The following CACNG3 variants were observed in gnomAD, a reference collection of about 807,000 sequenced individuals.
The protein encoded by CACNG3 is voltage-dependent calcium channel gamma-3 subunit.
Under a neutral mutation model 28.5 loss-of-function variants are expected in CACNG3, and 3 were observed. The observed-to-expected ratio is 0.11, with a 90% confidence interval of 0.05 to 0.27. The LOEUF (loss-of-function observed/expected upper bound fraction) is 0.27, where lower values mean the gene tolerates loss of function less well. Among genes scored for constraint, CACNG3 ranks in the 10% least tolerant of loss-of-function variants. The probability of loss-of-function intolerance (pLI) is 1.00; values close to 1 mark genes in which losing one functional copy is unlikely to be tolerated. For synonymous variants in CACNG3, 174 were observed against 162.2 expected, an observed-to-expected ratio of 1.07 and a Z score of -0.55; for missense variants, 236 against 414.4, an observed-to-expected ratio of 0.57 and a Z score of 3.74.
At chr16:24,335,497 C>A (rs1265245025) in intron 1 of CACNG3, among the ~76,000 whole-genome samples, 1 of 152,182 alleles carries the variant, frequency 6.6e-6, no homozygotes, top group Non-Finnish European at 1.5e-5. Flanking sequence ...ACATACTTCC[C>A]ATGTGCTAAG....
At chr16:24,286,023 T>A (rs1898889385) in intron 1 of CACNG3, among the ~76,000 whole-genome samples, 1 of 152,126 alleles carries the variant, frequency 6.6e-6, no homozygotes, top group African/African-American at 2.4e-5. Context: ...TTTGTAGTTT[T>A]GGTAGCGATG....
chr16:24,281,607 T>G (rs1224863524), intron 1 of CACNG3, among the ~76,000 whole-genome samples: 1 of 152,192 alleles, frequency 6.6e-6, no homozygotes, highest in African/African-American at 2.4e-5. Context: ...CATATGTCCA[T>G]TATTGAACCA....
chr16:24,321,248 T>C (rs1216489683), intron 1 of CACNG3, among the ~76,000 whole-genome samples: 1 of 151,968 alleles, frequency 6.6e-6, no homozygotes, highest in Admixed American at 6.6e-5. Flanking sequence ...GGCGGGAGGA[T>C]CACTTGAGGC....
intron 1 of CACNG3, among the ~76,000 whole-genome samples, chr16:24,326,087 G>T (rs1248269949): frequency 6.6e-6 from 1 of 152,162 alleles, no homozygotes; most frequent in African/African-American, 2.4e-5. Flanking sequence ...ACGTGGGGGG[G>T]TTGGGGGCTT....
intron 3 of CACNG3, among the ~76,000 whole-genome samples, chr16:24,357,878 AC>A (rs1377131857): frequency 2.0e-5 from 3 of 152,182 alleles, no homozygotes; most frequent in Non-Finnish European, 4.4e-5. Context: ...AGAGTGTGTC[AC>A]CAGCAACTTT....
chr16:24,261,200 A>G (rs1189910329), intron 1 of CACNG3, among the ~76,000 whole-genome samples: 1 of 152,186 alleles, frequency 6.6e-6, no homozygotes, highest in East Asian at 1.9e-4. Flanking sequence ...AGCATTTCCC[A>G]ATCCTCTTAG....
At chr16:24,270,111 G>A (rs1264787371) in intron 1 of CACNG3, among the ~76,000 whole-genome samples, 1 of 152,144 alleles carries the variant, frequency 6.6e-6, no homozygotes, top group Non-Finnish European at 1.5e-5. Context: ...TGTACCATAT[G>A]CTGTTTGACA....
At chr16:24,327,771 A>G (rs982379422) in intron 1 of CACNG3, among the ~76,000 whole-genome samples, 2 of 151,994 alleles carry the variant, frequency 1.3e-5, no homozygotes, top group African/African-American at 4.8e-5. Context: ...GTGAGACCAC[A>G]TCTCTACAAA....
chr16:24,262,475 T>C (rs1240161985), intron 1 of CACNG3, among the ~76,000 whole-genome samples: 2 of 152,218 alleles, frequency 1.3e-5, no homozygotes, highest in Non-Finnish European at 2.9e-5. Context: ...TACTTTCCTA[T>C]GTCTTGATAA....
At chr16:24,269,593 A>G (rs955077350) in intron 1 of CACNG3, among the ~76,000 whole-genome samples, 2 of 151,986 alleles carry the variant, frequency 1.3e-5, no homozygotes, top group African/African-American at 4.8e-5. Flanking sequence ...CTAAAAATAG[A>G]AAAATTAGCC....
At chr16:24,302,553 C>G (rs186675536) in intron 1 of CACNG3, among the ~76,000 whole-genome samples, 11 of 152,242 alleles carry the variant, frequency 7.2e-5, no homozygotes, top group Admixed American at 1.3e-4. Flanking sequence ...CTCCTGGGCT[C>G]AAGCCATCTT....
chr16:24,266,051 A>G (rs981230651), intron 1 of CACNG3, among the ~76,000 whole-genome samples: 1 of 152,166 alleles, frequency 6.6e-6, no homozygotes, highest in African/African-American at 2.4e-5. Context: ...GTAATCAGAT[A>G]TTCTTTCTTT....
intron 1 of CACNG3, among the ~76,000 whole-genome samples, chr16:24,261,130 A>G (rs935330274): frequency 1.3e-5 from 2 of 152,216 alleles, no homozygotes; most frequent in African/African-American, 4.8e-5. Flanking sequence ...TTTAGATAAG[A>G]TTAGAGTAAC....
chr16:24,272,393 C>A (rs918608577), intron 1 of CACNG3, among the ~76,000 whole-genome samples: 1 of 151,784 alleles, frequency 6.6e-6, no homozygotes, highest in Non-Finnish European at 1.5e-5. Context: ...TTTCCTCTAC[C>A]AAATCAAAGA....
intron 1 of CACNG3, among the ~76,000 whole-genome samples, chr16:24,259,594 C>T (rs183910933): frequency 4.6e-5 from 7 of 152,210 alleles, no homozygotes; most frequent in African/African-American, 1.7e-4. Flanking sequence ...AGCCATGAGA[C>T]AATGTGATTA....
At chr16:24,290,568 A>G (rs1243468029) in intron 1 of CACNG3, among the ~76,000 whole-genome samples, 1 of 152,150 alleles carries the variant, frequency 6.6e-6, no homozygotes, top group East Asian at 1.9e-4. Flanking sequence ...GAGTGTCTTC[A>G]CCTCTAATGG....
intron 1 of CACNG3, among the ~76,000 whole-genome samples, chr16:24,313,048 GGAGA>G (rs1417744437): frequency 7.5e-6 from 1 of 134,006 alleles, no homozygotes; most frequent in African/African-American, 2.9e-5. Flanking sequence ...AGAAAGAGAG[GGAGA>G]GAGAGAGAAA....
intron 1 of CACNG3, among the ~76,000 whole-genome samples, chr16:24,258,802 G>A (rs145668128): frequency 1.2e-4 from 18 of 152,310 alleles, no homozygotes; most frequent in African/African-American, 4.3e-4. Context: ...CAGTGCTTTA[G>A]CCATTTCCAA....
chr16:24,269,975 T>C (rs1416556481), intron 1 of CACNG3, among the ~76,000 whole-genome samples: 2 of 152,062 alleles, frequency 1.3e-5, no homozygotes, highest in South Asian at 4.2e-4. Context: ...AAAGAAAATA[T>C]ATGTTGTATG....
Sources: allele counts gnomAD v4.1 joint callset (sites outside exome capture counted in the v4.1 genomes callset), GRCh38; gene constraint gnomAD v4.1.1; transcripts MANE v1.5; gene names NCBI Gene and HGNC (gene_info 2026-07-23, HGNC 2026-07-21).